The following CASD1 variants were observed in gnomAD, a reference collection of about 807,000 sequenced individuals.
The protein encoded by CASD1 is CAS1 domain sialic acid O acetyltransferase 1, also known as N-acetylneuraminate (7)9-O-acetyltransferase.
A neutral mutation model predicts 100.0 loss-of-function variants in CASD1; 41 were observed. That is an observed-to-expected ratio of 0.41 (90% CI 0.32 to 0.53). The LOEUF (loss-of-function observed/expected upper bound fraction) is 0.53, where lower values mean the gene tolerates loss of function less well. Ranked by LOEUF, CASD1 falls within the 20% of genes least tolerant of loss-of-function variation. CASD1 has a pLI of 0.25. For missense variants in CASD1, 774 were observed against 948.7 expected, an observed-to-expected ratio of 0.82 and a Z score of 2.42; for synonymous variants, 321 against 315.6, an observed-to-expected ratio of 1.02 and a Z score of -0.18.
At chr7:94,554,710 T>C (rs1383264602) in intron 17 of CASD1, 135 bp downstream of exon 17, 1 of 528,494 alleles carries the variant, frequency 1.9e-6, no homozygotes, top group East Asian at 3.0e-5. Flanking sequence ...CTGAAGCTAT[T>C]ATGGAATTAC....
chr7:94,510,247 G>C, intron 1 of CASD1, 30 bp downstream of exon 1: 2 of 1,395,480 alleles, frequency 1.4e-6, no homozygotes, highest in East Asian at 6.1e-5. Flanking sequence ...TGCCCGGGCA[G>C]GCCGTGGGGG....
At chr7:94,605,869 C>T in the CASD1 span, among the ~76,000 whole-genome samples, 2 of 151,912 alleles carry the variant, frequency 1.3e-5, no homozygotes, top group Middle Eastern at 3.4e-3. Context: ...ACAGTCTCGC[C>T]CTGTCACCCA....
At chr7:94,553,281 T>G in intron 16 of CASD1, 1 of 171,220 alleles carries the variant, frequency 5.8e-6, no homozygotes, top group Non-Finnish European at 1.3e-5. Flanking sequence ...AAAGCTTATC[T>G]CTATTTGTTT....
At chr7:94,566,249 G>A in the CASD1 span, among the ~76,000 whole-genome samples, 2 of 152,124 alleles carry the variant, frequency 1.3e-5, no homozygotes, top group Admixed American at 6.5e-5. Context: ...ATAGAATCAT[G>A]TATATGTGAA....
At chr7:94,619,016 C>A in the CASD1 span, 2 of 1,221,184 alleles carry the variant, frequency 1.6e-6, no homozygotes, top group East Asian at 4.7e-5. Flanking sequence ...AAAAAGGAAA[C>A]AAAAGAACAA....
the CASD1 span, chr7:94,589,487 T>C: frequency 6.6e-6 from 1 of 152,430 alleles, no homozygotes; most frequent in East Asian, 1.9e-4. Context: ...AATAATCTTC[T>C]AAGACAGGGG....
the CASD1 span, among the ~76,000 whole-genome samples, chr7:94,569,226 G>T: frequency 6.6e-6 from 1 of 152,186 alleles, no homozygotes; most frequent in Admixed American, 6.5e-5. Flanking sequence ...GTGGAAAAGG[G>T]TATATAAATA....
At chr7:94,512,893 A>C (rs1216809225) in intron 1 of CASD1, among the ~76,000 whole-genome samples, 1 of 152,240 alleles carries the variant, frequency 6.6e-6, no homozygotes, top group Non-Finnish European at 1.5e-5. Flanking sequence ...CTAAGGATAC[A>C]CAGTGACTGA....
Position 94,520,076 on chromosome 7 carries a change from A to T in CASD1, c.351+1753A>T, listed in dbSNP as rs117462405. 6.1e-3 allele frequency among the ~76,000 whole-genome samples: 930 copies of T among 152,300 alleles called. 11 individuals are homozygous for T. The highest frequency in any genetic ancestry group is 6.9e-3 in the Non-Finnish European group (472 of 68,036). ...ATTATCAAACGAGATATCAGACAAG[A>T]TTAATTTATATGCATTTAAAAGGAA... On this transcript the variant is annotated intron_variant, in intron 3 of 17. Transcript: ENST00000297273.
chr7:94,546,051 A>G (rs967241589), intron 12 of CASD1, among the ~76,000 whole-genome samples: 11 of 151,972 alleles, frequency 7.2e-5, no homozygotes, highest in African/African-American at 2.7e-4. Context: ...GGAAAGCCAA[A>G]TAGGCCTCCA....
chr7:94,513,548 TAG>T (rs1411552931), intron 1 of CASD1, among the ~76,000 whole-genome samples: 1 of 152,168 alleles, frequency 6.6e-6, no homozygotes, highest in Non-Finnish European at 1.5e-5. Flanking sequence ...AAAGAAAATA[TAG>T]GTTTTTCCTT....
At chr7:94,607,402 T>C in the CASD1 span, among the ~76,000 whole-genome samples, 1 of 152,022 alleles carries the variant, frequency 6.6e-6, no homozygotes, top group Non-Finnish European at 1.5e-5. Context: ...GCAAAAATCC[T>C]CAACAAAATA....
chr7:94,603,220 G>T, the CASD1 span: 1 of 1,240,052 alleles, frequency 8.1e-7, no homozygotes, highest in South Asian at 1.3e-5. Flanking sequence ...AGCAGTTCAG[G>T]TTTTAGTCAA....
chr7:94,599,713 T>G, the CASD1 span: 2 of 1,608,940 alleles, frequency 1.2e-6, no homozygotes, highest in Non-Finnish European at 1.7e-6. Context: ...GTTTGCATGT[T>G]TCTCTTTTCC....
chr7:94,591,730 G>A, the CASD1 span, among the ~76,000 whole-genome samples: 50 of 152,094 alleles, frequency 3.3e-4, no homozygotes, highest in African/African-American at 1.1e-3. Flanking sequence ...TCTAGCCTCC[G>A]TTTTTTCCTC....
At position 94,518,334 on chromosome 7, in the gene CASD1, T is replaced by A; in HGVS notation, c.351+11T>A. On this transcript the variant is annotated intron_variant, in intron 3 of 17. Coordinates refer to ENST00000297273, the MANE Select transcript of CASD1 (RefSeq NM_022900.5). The stretch of plus-strand genomic sequence containing the variant: ...GAAGAAGGAAATAAGGTAAAACTTG[T>A]CTATTCCCTTCTGTAGAGTGTTTTA... 6.4e-7 allele frequency: 1 copy of A among 1,561,586 alleles called. No homozygotes were observed. The highest frequency in any genetic ancestry group is 8.7e-7 in the Non-Finnish European group (1 of 1,150,530).
chr7:94,561,865 G>A (rs1049830743), downstream of CASD1, among the ~76,000 whole-genome samples: 30 of 152,086 alleles, frequency 2.0e-4, no homozygotes, highest in African/African-American at 6.5e-4. Flanking sequence ...CACTTCCTCA[G>A]ATACTTTAGA....
the CASD1 span, chr7:94,629,741 T>C: frequency 4.3e-6 from 7 of 1,611,282 alleles, no homozygotes; most frequent in African/African-American, 9.3e-5. Flanking sequence ...AAGGTGGAAA[T>C]TCCCCCTTAA....
chr7:94,546,762 A>G (rs568149484), intron 12 of CASD1, among the ~76,000 whole-genome samples: 2 of 152,060 alleles, frequency 1.3e-5, no homozygotes, highest in South Asian at 2.1e-4. Flanking sequence ...TTAGAATTAT[A>G]TTGAACATCT....
Sources: allele counts gnomAD v4.1 joint callset (sites outside exome capture counted in the v4.1 genomes callset), GRCh38; gene constraint gnomAD v4.1.1; transcripts MANE v1.5; gene names NCBI Gene and HGNC (gene_info 2026-07-23, HGNC 2026-07-21).